HTR1A: variants seen among roughly 807,000 people sequenced by gnomAD.
The protein encoded by HTR1A is 5-HT1a receptor.
HTR1A carries 17 observed loss-of-function variants against 24.6 expected under a neutral mutation model. That is an observed-to-expected ratio of 0.69 (90% CI 0.47 to 1.04). The LOEUF is 1.04. Ranked by LOEUF, HTR1A falls within the 50% of genes least tolerant of loss-of-function variation. HTR1A has a pLI of 0.00. For synonymous variants in HTR1A, 262 were observed against 244.6 expected, an observed-to-expected ratio of 1.07 and a Z score of -0.67; for missense variants, 515 against 565.1, an observed-to-expected ratio of 0.91 and a Z score of 0.90.
In HTR1A at chr5:63,960,436, G is replaced by A; in HGVS notation, c.*15C>T. ...CGGATCCTGTAGCCTCGACTGGCCG[G>A]CTACTCCTCCGTCATCACTGGCGGC... On this transcript the variant is annotated 3_prime_UTR_variant, in exon 1 of 1. Coordinates refer to ENST00000323865, the MANE Select transcript of HTR1A (RefSeq NM_000524.4). 1 of 1,613,510 alleles carries A rather than the reference G, an allele frequency of 6.2e-7. No individual in the cohort carries two copies. Among genetic ancestry groups the A allele is most frequent in the Non-Finnish European group, 8.5e-7 (1 of 1,179,452 alleles).
In HTR1A at chr5:63,958,354, C is replaced by T. The variant is rs1746354662; in HGVS notation, c.*2097G>A. 6.6e-6 allele frequency among the ~76,000 whole-genome samples: 1 copy of T among 152,196 alleles called. No individual in the cohort carries two copies. Among genetic ancestry groups the T allele is most frequent in the African/African-American group, 2.4e-5 (1 of 41,456 alleles). On this transcript the variant is annotated 3_prime_UTR_variant, in exon 1 of 1. Coordinates refer to ENST00000323865, the MANE Select transcript of HTR1A (RefSeq NM_000524.4). ...CTGTTTAGCTGGGATATGATGTCTA[C>T]TTCCAGTTTAGAATACAGAAGCAGA...
Position 63,961,536 on chromosome 5 carries a change from C to A in HTR1A, c.184G>T (p.Ala62Ser), listed in dbSNP as rs1428970401. The A allele has an allele frequency of 3.7e-6, 6 of 1,614,128 alleles. 1 individual carries two copies. The Admixed American group carries it at 1.0e-4, about 27-fold the overall frequency. ...LGNACVVAAI[A>S]LERSLQNVAN... is the part of the protein sequence containing the mutation. ...ACGTTCTGCAGGGAGCGCTCCAAGG[C>A]GATGGCAGCCACCACGCACGCATTG... The change falls in exon 1 of 1, where the codon GCC becomes TCC. Residue 62 changes from alanine to serine, a missense_variant. By Grantham distance (99) the Ala-to-Ser change is moderately conservative. Coordinates refer to ENST00000323865, the MANE Select transcript of HTR1A (RefSeq NM_000524.4).
In HTR1A at chr5:63,959,301, T is replaced by G. The variant is rs941372606; in HGVS notation, c.*1150A>C. Among the ~76,000 whole-genome samples the G allele has an allele frequency of 6.6e-6, 1 of 152,168 alleles. No homozygotes were observed. The highest frequency in any genetic ancestry group is 1.5e-5 in the Non-Finnish European group (1 of 68,028). On this transcript the variant is annotated 3_prime_UTR_variant, in exon 1 of 1. Coordinates refer to ENST00000323865, the MANE Select transcript of HTR1A (RefSeq NM_000524.4). Reference sequence around the variant, plus strand: ...TTCTTGGTCTCTCCAATCCCAAGAGTTCCGCGGCATCTTGCGCCACTGGCT... The same window carrying G: ...TTCTTGGTCTCTCCAATCCCAAGAGGTCCGCGGCATCTTGCGCCACTGGCT...
rs769239961 is a variant in HTR1A at position 63,961,282 on chromosome 5, G to A, written c.438C>T (p.Asn146=). Reference sequence around the variant, plus strand: ...CAGCGGCGCGCCGGGGCGTCCTCTTGTTCACGTAGTCGATGGGGTCCGTGA... The same window carrying A: ...CAGCGGCGCGCCGGGGCGTCCTCTTATTCACGTAGTCGATGGGGTCCGTGA... ...WAITDPIDYV[N]KRTPRRAAAL... is the part of the protein sequence containing the mutation. The change falls in exon 1 of 1, where the codon AAC becomes AAT. Residue 146 remains asparagine (N), a synonymous_variant. Coordinates refer to ENST00000323865, the MANE Select transcript of HTR1A (RefSeq NM_000524.4). 3.7e-6 allele frequency: 6 copies of A among 1,614,040 alleles called. No individual in the cohort carries two copies. The African/African-American group carries it at 6.7e-5, about 18-fold the overall frequency.
rs1746423961 is a variant in HTR1A at position 63,961,102 on chromosome 5, G to T, written c.618C>A (p.Ile206=). ...AGAGAACCAGCATGAGCAGCAGCGG[G>T]ATGTAGAAAGCTCCAAAGGTGGAAT... The part of the protein sequence containing the change: ...TIYSTFGAFY[I]PLLLMLVLYG... Residue 206 remains isoleucine (I), a synonymous_variant, in exon 1 of 1, where the codon ATC becomes ATA. Transcript: ENST00000323865. The T allele has an allele frequency of 1.2e-6, 2 of 1,614,270 alleles. No homozygotes were observed. Among genetic ancestry groups the T allele is most frequent in the Admixed American group, 1.7e-5 (1 of 60,032 alleles).
chr5:63,960,602 C>T lies in HTR1A; in HGVS notation c.1118G>A (p.Ser373Asn), dbSNP rs200892437. The change falls in exon 1 of 1, where the codon AGC becomes AAC. Residue 373 changes from serine (S) to asparagine (N), a missense_variant. Ser to Asn is a conservative substitution (Grantham distance 46, BLOSUM62 1). Coordinates refer to ENST00000323865, the MANE Select transcript of HTR1A (RefSeq NM_000524.4). ...IVALVLPFCE[S>N]SCHMPTLLGA... ...CAACAGGGTGGGCATGTGGCAGCTG[C>T]TCTCGCAGAAGGGCAGAACAAGAGC... 5 of 1,614,226 alleles carry T rather than the reference C, an allele frequency of 3.1e-6. No individual in the cohort carries two copies. In the South Asian group the frequency reaches 3.3e-5, roughly 11 times the overall value.
chr5:63,962,445 C>T lies in HTR1A; in HGVS notation c.-726G>A, dbSNP rs994685126. On this transcript the variant is annotated 5_prime_UTR_variant, in exon 1 of 1. Coordinates refer to ENST00000323865, the MANE Select transcript of HTR1A (RefSeq NM_000524.4). Reference sequence around the variant, plus strand: ...TTGCATTCGAGTCTCTTTTTGTCAACAGAGACTCAGAACTCACTTACACAC... The same window carrying T: ...TTGCATTCGAGTCTCTTTTTGTCAATAGAGACTCAGAACTCACTTACACAC... 1 of 155,750 alleles carries T rather than the reference C, an allele frequency of 6.4e-6. No homozygotes were observed. Among genetic ancestry groups the T allele is most frequent in the South Asian group, 2.0e-4 (1 of 5,068 alleles). The allele number at this position is 155,750 out of a possible 1,614,324, so 9.6% of individuals were successfully genotyped here.
rs1301622873 is a variant in HTR1A at position 63,958,847 on chromosome 5, G to C, written c.*1604C>G. 6.6e-6 allele frequency among the ~76,000 whole-genome samples: 1 copy of C among 152,186 alleles called. No individual in the cohort carries two copies. Among genetic ancestry groups the C allele is most frequent in the Non-Finnish European group, 1.5e-5 (1 of 68,036 alleles). ...GTGGTTTCCGCAGACCCTTGGTACA[G>C]CAGAATGGTCACGCTAGGGAGCAAT... On this transcript the variant is annotated 3_prime_UTR_variant, in exon 1 of 1. Coordinates refer to ENST00000323865, the MANE Select transcript of HTR1A (RefSeq NM_000524.4).
chr5:63,961,013 G>A lies in HTR1A; in HGVS notation c.707C>T (p.Thr236Ile), dbSNP rs758155850. The change falls in exon 1 of 1, where the codon ACC becomes ATC. Residue 236 changes from threonine (T) to isoleucine (I), a missense_variant. This residue lies in a region of HTR1A where 381 missense variants were observed against 384.5 expected (regional missense o/e 0.99). Transcript: ENST00000323865. Reference sequence around the variant, plus strand: ...TGCTCCATGGCGGGTGTCCGCTCCGGTCTTCTCCACCTTTTTGACCGTCTT... The same window carrying A: ...TGCTCCATGGCGGGTGTCCGCTCCGATCTTCTCCACCTTTTTGACCGTCTT... ...IRKTVKKVEK[T>I]GADTRHGASP... is the part of the protein sequence containing the mutation. 1 of 1,614,038 alleles carries A rather than the reference G, an allele frequency of 6.2e-7. No individual in the cohort carries two copies. The highest frequency in any genetic ancestry group is 1.3e-5 in the African/African-American group (1 of 74,958).
chr5:63,960,332 G>T lies in HTR1A; in HGVS notation c.*119C>A. The T allele has an allele frequency of 9.2e-7, 1 of 1,088,784 alleles. No individual in the cohort carries two copies. Among genetic ancestry groups the T allele is most frequent in the Non-Finnish European group, 1.4e-6 (1 of 709,470 alleles). 67.4% of individuals were successfully genotyped at this position (1,088,784 alleles called of 1,614,324 possible). A position where few individuals can be genotyped will look rare whatever the true frequency, so the allele number is the denominator to read the frequency against. On this transcript the variant is annotated 3_prime_UTR_variant, in exon 1 of 1. Transcript: ENST00000323865. ...GGACCAGGTCTGCAAGCCGTGAGCG[G>T]AGCAGAGAGAAAGAGGAGAAGTGGC...
chr5:63,959,109 C>A lies in HTR1A; in HGVS notation c.*1342G>T, dbSNP rs374048173. ...TTGGGACACGCTAAACAGAATTATT[C>A]CCCGATCCAAAAAGGACAAGAGCGT... is the stretch of plus-strand genomic sequence containing the variant. On this transcript the variant is annotated 3_prime_UTR_variant, in exon 1 of 1. Transcript: ENST00000323865. 6.6e-6 allele frequency among the ~76,000 whole-genome samples: 1 copy of A among 152,168 alleles called. No homozygotes were observed. The highest frequency in any genetic ancestry group is 1.5e-5 in the Non-Finnish European group (1 of 68,028).
Position 63,960,976 on chromosome 5 carries a change from CG to C in HTR1A, c.743del (p.Pro248ArgfsTer7). 6.2e-7 allele frequency: 1 copy of C among 1,614,178 alleles called. No individual in the cohort carries two copies. On this transcript the variant is annotated frameshift_variant, in exon 1 of 1. Coordinates refer to ENST00000323865, the MANE Select transcript of HTR1A (RefSeq NM_000524.4). LOFTEE classifies it high-confidence loss of function. Reference protein sequence around the residue: ...ADTRHGASPAPQPKKSVNGES... With the variant: ...ADTRHGASPAXQPKKSVNGES... ...CTCCATTCACACTCTTCTTGGGCTG[CG>C]GGGCGGGAGATGCTCCATGGCGGGT...
chr5:63,960,692 G>C lies in HTR1A; in HGVS notation c.1028C>G (p.Thr343Arg). Residue 343 changes from threonine to arginine, a missense_variant, in exon 1 of 1, where the codon ACA (threonine) becomes AGA (arginine). By Grantham distance (71) the Thr-to-Arg change is moderately conservative. Transcript: ENST00000323865. ...CATGATGATGCCCAGCGTCTTCACT[G>C]TCTTCCTCTCTCGGGCCAGGGCCAT... ...RKMALARERK[T>R]VKTLGIIMGT... 1 of 1,614,252 alleles carries C rather than the reference G, an allele frequency of 6.2e-7. No individual in the cohort carries two copies. The highest frequency in any genetic ancestry group is 8.5e-7 in the Non-Finnish European group (1 of 1,180,042).
In HTR1A at chr5:63,960,337, G is replaced by A; in HGVS notation, c.*114C>T. 1 of 1,127,256 alleles carries A rather than the reference G, an allele frequency of 8.9e-7. No individual in the cohort carries two copies. Among genetic ancestry groups the A allele is most frequent in the Non-Finnish European group, 1.3e-6 (1 of 742,682 alleles). The allele number at this position is 1,127,256 out of a possible 1,614,324, so 69.8% of individuals were successfully genotyped here. A position where few individuals can be genotyped will look rare whatever the true frequency, so the allele number is the denominator to read the frequency against. ...AGGTCTGCAAGCCGTGAGCGGAGCAGAGAGAAAGAGGAGAAGTGGCGAATT... is the reference window on the plus strand; with the variant it reads ...AGGTCTGCAAGCCGTGAGCGGAGCAAAGAGAAAGAGGAGAAGTGGCGAATT... On this transcript the variant is annotated 3_prime_UTR_variant, in exon 1 of 1. Transcript: ENST00000323865.
chr5:63,960,579 A>G lies in HTR1A; in HGVS notation c.1141T>C (p.Leu381=). 2 of 1,614,224 alleles carry G rather than the reference A, an allele frequency of 1.2e-6. No individual in the cohort carries two copies. Among genetic ancestry groups the G allele is most frequent in the Non-Finnish European group, 1.7e-6 (2 of 1,180,040 alleles). ...CESSCHMPTL[L]GAIINWLGYS... is the part of the protein sequence containing the mutation. ...CCCAGCCAATTGATTATGGCGCCCA[A>G]CAGGGTGGGCATGTGGCAGCTGCTC... The change falls in exon 1 of 1, where the codon TTG becomes CTG. Residue 381 remains leucine, a synonymous_variant. Coordinates refer to ENST00000323865, the MANE Select transcript of HTR1A (RefSeq NM_000524.4).
At position 63,961,505 on chromosome 5, in the gene HTR1A, T is replaced by C. The variant is rs920591557; in HGVS notation, c.215A>G (p.Asn72Ser). The change falls in exon 1 of 1, where the codon AAT becomes AGT. Residue 72 changes from asparagine (N) to serine (S), a missense_variant. By Grantham distance (46) the Asn-to-Ser change is conservative. This residue lies in a region of HTR1A where 80 missense variants were observed against 130.8 expected (regional missense o/e 0.61). Transcript: ENST00000323865. ...ALERSLQNVA[N>S]YLIGSLAVTD... is the part of the protein sequence containing the mutation. ...GACCGCCAAAGAGCCAATAAGATAA[T>C]TGGCCACGTTCTGCAGGGAGCGCTC... 7.4e-6 allele frequency: 12 copies of C among 1,614,164 alleles called. No individual in the cohort carries two copies. The highest frequency in any genetic ancestry group is 1.6e-4 in the Middle Eastern group (1 of 6,062).
Position 63,961,348 on chromosome 5 carries a change from G to A in HTR1A, c.372C>T (p.Ile124=). 1 of 1,614,086 alleles carries A rather than the reference G, an allele frequency of 6.2e-7. No homozygotes were observed. The highest frequency in any genetic ancestry group is 8.5e-7 in the Non-Finnish European group (1 of 1,179,950). ...ALDVLCCTSS[I]LHLCAIALDR... The stretch of plus-strand genomic sequence containing the variant: ...CCAGCGCGATGGCGCACAGGTGCAA[G>A]ATGGATGAGGTGCAGCACAGCACGT... Residue 124 remains isoleucine (I), a synonymous_variant, in exon 1 of 1, where the codon ATC becomes ATT. Coordinates refer to ENST00000323865, the MANE Select transcript of HTR1A (RefSeq NM_000524.4).
chr5:63,961,721 C>G lies in HTR1A; in HGVS notation c.-2G>C, dbSNP rs149336657. 1.4e-4 allele frequency: 221 copies of G among 1,613,800 alleles called. 1 individual carries two copies. The African/African-American group carries it at 2.6e-3, about 19-fold the overall frequency. On this transcript the variant is annotated 5_prime_UTR_variant, in exon 1 of 1. Coordinates refer to ENST00000323865, the MANE Select transcript of HTR1A (RefSeq NM_000524.4). The stretch of plus-strand genomic sequence containing the variant: ...CTGACCAGGGCTGAGCACATCCATG[C>G]CTGCGCGCCCGGCGCGGGAAGGGGG...
In HTR1A at chr5:63,961,639, A is replaced by G. The variant is rs564346610; in HGVS notation, c.81T>C (p.Gly27=). 7.4e-6 allele frequency: 12 copies of G among 1,613,874 alleles called. 1 individual carries two copies. In the African/African-American group the frequency reaches 1.6e-4, roughly 21 times the overall value. The change falls in exon 1 of 1, where the codon GGT becomes GGC. Residue 27 remains glycine (G), a synonymous_variant. Transcript: ENST00000323865. ...GGTAGCTGACGGTCACGTCGGAGAT[A>G]CCAGTAGTGTTGCCGCCGGTCTCAA... ...APFETGGNTT[G]ISDVTVSYQV...
Sources: gnomAD v4.1 joint callset for allele counts (sites outside exome capture counted in the v4.1 genomes callset) on GRCh38, gnomAD v4.1.1 for gene constraint, gnomAD v4.1.1 regional missense constraint, MANE v1.5 for transcripts, NCBI Gene and HGNC (gene_info 2026-07-23, HGNC 2026-07-21) for gene names.